Variants in PPP3CB observed in about 807,000 individuals in gnomAD.
PPP3CB encodes protein phosphatase 3 catalytic subunit beta.
PPP3CB carries 8 observed loss-of-function variants against 66.4 expected under a neutral mutation model. The observed-to-expected ratio is 0.12, with a 90% CI of 0.07 to 0.22. PPP3CB has a LOEUF of 0.22. Among genes scored for constraint, PPP3CB ranks in the 10% least tolerant of loss-of-function variants. The pLI, the probability that PPP3CB is intolerant of heterozygous loss-of-function variation, is 1.00. For synonymous variants in PPP3CB, 208 were observed against 221.2 expected (o/e 0.94, Z 0.53); for missense variants, 319 against 642.5 (o/e 0.50, Z 5.44).
chr10:73,478,932 G>A (rs2056831455), intron 2 of PPP3CB, among the ~76,000 whole-genome samples: 1 of 152,202 alleles, frequency 6.6e-6, no homozygotes, highest in South Asian at 2.1e-4. Context: ...AATTACAATG[G>A]TGGCAGTTAA....
intron 4 of PPP3CB, among the ~76,000 whole-genome samples, chr10:73,472,564 G>A (rs2056720891): frequency 6.6e-6 from 1 of 151,260 alleles, no homozygotes; most frequent in African/African-American, 2.4e-5. Flanking sequence ...GCCAAATAAG[G>A]CAAAATTAGA....
At chr10:73,454,917 G>A (rs1343014778) in intron 9 of PPP3CB, among the ~76,000 whole-genome samples, 1 of 151,620 alleles carries the variant, frequency 6.6e-6, no homozygotes, top group African/African-American at 2.4e-5. Flanking sequence ...CTGTTGCCCA[G>A]GCTGCAGTGC....
At position 73,444,807 on chromosome 10, in the gene PPP3CB, A is replaced by C; in HGVS notation, c.1284T>G (p.Ser428Arg). ...GAGTCAGGCCCTTGAGTGTCAGCAC[A>C]CTTTCACTCTCCTCCCTATAGCAGA... Reference protein sequence around the residue: ...VFSVLREESESVLTLKGLTPT... With the variant: ...VFSVLREESERVLTLKGLTPT... Residue 428 changes from serine (S) to arginine (R), a missense_variant, in exon 12 of 14, where the codon AGT becomes AGG. Physicochemically the swap from Ser to Arg is moderately radical, Grantham distance 110. Coordinates refer to ENST00000360663, the MANE Select transcript of PPP3CB (RefSeq NM_021132.4). 1 of 1,613,324 alleles carries C rather than the reference A, an allele frequency of 6.2e-7. No individual in the cohort carries two copies. The highest frequency in any genetic ancestry group is 8.5e-7 in the Non-Finnish European group (1 of 1,180,008).
In PPP3CB at chr10:73,480,472, T is replaced by G. The variant is rs1400153304; in HGVS notation, c.86-955A>C. Reference sequence around the variant, plus strand: ...TTTTTTTTTTTTTTTTGAGATGGAGTCTTGTTCTGTCGCCCAGGCTGGAAT... The same window carrying G: ...TTTTTTTTTTTTTTTTGAGATGGAGGCTTGTTCTGTCGCCCAGGCTGGAAT... On this transcript the variant is annotated intron_variant, in intron 1 of 13. Coordinates refer to ENST00000360663, the MANE Select transcript of PPP3CB (RefSeq NM_021132.4). Among the ~76,000 whole-genome samples, 29 of 138,602 alleles carry G rather than the reference T, an allele frequency of 2.1e-4. No individual in the cohort carries two copies. The Admixed American group carries it at 2.3e-3, about 11-fold the overall frequency. The allele number at this position is 138,602 out of a possible 152,430, so 90.9% of individuals were successfully genotyped here. A position where few individuals can be genotyped will look rare whatever the true frequency, so the allele number is the denominator to read the frequency against.
chr10:73,493,022 T>C (rs1756016755), intron 1 of PPP3CB, among the ~76,000 whole-genome samples: 1 of 152,100 alleles, frequency 6.6e-6, no homozygotes, highest in South Asian at 2.1e-4. Context: ...ACGCCTGTAA[T>C]CCCAACACTT....
At chr10:73,443,345 GAAGA>G (rs1211734842) in intron 12 of PPP3CB, among the ~76,000 whole-genome samples, 4 of 136,284 alleles carry the variant, frequency 2.9e-5, no homozygotes, top group South Asian at 2.3e-4. Flanking sequence ...AAAGAGAAGA[GAAGA>G]GAGAAAAGAA....
Position 73,459,855 on chromosome 10 carries a change from G to A in PPP3CB, c.1109-5366C>T, listed in dbSNP as rs548206334. ...TAATGGGCACAGGGTTTCTTTGGAG[G>A]GGATGATGAAAATGTTCCAAAACTG... On this transcript the variant is annotated intron_variant, in intron 9 of 13. Coordinates refer to ENST00000360663, the MANE Select transcript of PPP3CB (RefSeq NM_021132.4). Among the ~76,000 whole-genome samples the A allele has an allele frequency of 1.1e-4, 16 of 152,202 alleles. No homozygotes were observed. The East Asian group carries it at 3.1e-3, about 29-fold the overall frequency.
chr10:73,443,800 T>C (rs1187568203), intron 12 of PPP3CB: 1 of 152,226 alleles, frequency 6.6e-6, no homozygotes, highest in Non-Finnish European at 1.5e-5. Context: ...GCTTTACGTA[T>C]AATTCTTTTT....
intron 9 of PPP3CB, among the ~76,000 whole-genome samples, chr10:73,465,040 AG>A (rs2056597579): frequency 6.6e-6 from 1 of 152,176 alleles, no homozygotes; most frequent in Non-Finnish European, 1.5e-5. Context: ...ATTTATAGAT[AG>A]AAAAGAGTTG....
At chr10:73,493,191 G>A (rs1218801493) in intron 1 of PPP3CB, among the ~76,000 whole-genome samples, 1 of 151,452 alleles carries the variant, frequency 6.6e-6, no homozygotes, top group African/African-American at 2.4e-5. Context: ...CAGGAGAATC[G>A]CTTGAACCCA....
chr10:73,491,100 G>A (rs1467085043), intron 1 of PPP3CB, among the ~76,000 whole-genome samples: 2 of 136,006 alleles, frequency 1.5e-5, no homozygotes, highest in African/African-American at 2.7e-5. Context: ...GCATGAACTC[G>A]GCTCACTGCA....
rs60288220 is a variant in PPP3CB, at chr10:73,443,250, AAGAG to A, written c.1366+1471_1366+1474del. ...AAAGAAAGACAGAGAGAGAGAGAGA[AAGAG>A]AGAGAGAGAGAGAGAAAGAAAGAAA... On this transcript the variant is annotated intron_variant, in intron 12 of 13. Transcript: ENST00000360663. Among the ~76,000 whole-genome samples the A allele has an allele frequency of 4.2e-3, 577 of 136,134 alleles. 1 individual carries two copies. Among genetic ancestry groups the A allele is most frequent in the African/African-American group, 0.014 (465 of 33,828 alleles). 89.3% of individuals were successfully genotyped at this position (136,134 alleles called of 152,430 possible).
At chr10:73,442,073 T>C (rs1411257879) in intron 12 of PPP3CB, among the ~76,000 whole-genome samples, 1 of 152,222 alleles carries the variant, frequency 6.6e-6, no homozygotes, top group Non-Finnish European at 1.5e-5. Flanking sequence ...TGTATGACCT[T>C]TGTTATTTGT....
chr10:73,448,333 C>CTTTGGGAA (rs2056292365), intron 10 of PPP3CB, among the ~76,000 whole-genome samples: 2 of 152,092 alleles, frequency 1.3e-5, no homozygotes, highest in Non-Finnish European at 2.9e-5. Flanking sequence ...AGTAAATGGT[C>CTTTGGGAA]ACAGTAACAT....
intron 3 of PPP3CB, chr10:73,477,219 C>T (rs2056804830): frequency 1.9e-6 from 1 of 518,462 alleles, no homozygotes. Context: ...ATGCTTAGAA[C>T]ATATTAAATG....
intron 13 of PPP3CB, among the ~76,000 whole-genome samples, chr10:73,438,917 T>A (rs187655662): frequency 6.6e-6 from 1 of 152,196 alleles, no homozygotes; most frequent in East Asian, 1.9e-4. Flanking sequence ...ATACAGTAGA[T>A]CAGAACTATC....
At chr10:73,492,121 T>G (rs1026453245) in intron 1 of PPP3CB, among the ~76,000 whole-genome samples, 2 of 152,098 alleles carry the variant, frequency 1.3e-5, no homozygotes, top group Non-Finnish European at 2.9e-5. Context: ...CAATCAGAAA[T>G]ACTTTAGCTT....
At chr10:73,438,441 A>G (rs148145548) in intron 13 of PPP3CB, 21 bp from the exon 14 acceptor site, 42 of 1,566,564 alleles carry the variant, frequency 2.7e-5, no homozygotes, top group African/African-American at 1.8e-4. Flanking sequence ...TGCAAATTTG[A>G]TAAGTCAGTA....
intron 1 of PPP3CB, among the ~76,000 whole-genome samples, chr10:73,486,315 T>C (rs1446301467): frequency 2.0e-4 from 30 of 148,506 alleles, no homozygotes; most frequent in Admixed American, 6.7e-4. Flanking sequence ...TTTTTTTTTT[T>C]TTCTTCTGAG....
Sources: allele counts gnomAD v4.1 joint callset (sites outside exome capture counted in the v4.1 genomes callset), GRCh38; gene constraint gnomAD v4.1.1; transcripts MANE v1.5; gene names NCBI Gene and HGNC (gene_info 2026-07-23, HGNC 2026-07-21).